Variants in DCLK1 observed in about 807,000 individuals in gnomAD.
The protein encoded by DCLK1 is doublecortin like kinase 1.
A neutral mutation model predicts 86.2 loss-of-function variants in DCLK1; 16 were observed. The ratio of observed to expected loss-of-function variants is 0.19; its 90% CI spans 0.13 to 0.28. The LOEUF (loss-of-function observed/expected upper bound fraction) is 0.28, where lower values mean the gene tolerates loss of function less well. DCLK1 is among the 10% of genes least tolerant of loss of function. The pLI is 1.00. For synonymous variants in DCLK1, 369 were observed against 370.5 expected, an observed-to-expected ratio of 1.00 and a Z score of 0.05; for missense variants, 590 against 940.2, an observed-to-expected ratio of 0.63 and a Z score of 4.87.
intron 3 of DCLK1, among the ~76,000 whole-genome samples, chr13:35,953,894 G>A (rs762626055): frequency 6.6e-6 from 1 of 152,148 alleles, no homozygotes; most frequent in Admixed American, 6.5e-5. Context: ...TGCATTTGAA[G>A]CCACAGAAGT....
intron 15 of DCLK1, 121 bp from the exon 16 acceptor site, chr13:35,793,600 CA>C (rs1221155394): frequency 3.0e-6 from 2 of 661,300 alleles, no homozygotes; most frequent in African/African-American, 3.6e-5. Context: ...AGAAATAAAC[CA>C]ACCAATGTCT....
chr13:36,073,117 C>T (rs768682758), intron 3 of DCLK1, among the ~76,000 whole-genome samples: 5 of 152,150 alleles, frequency 3.3e-5, no homozygotes, highest in Non-Finnish European at 7.3e-5. Flanking sequence ...ATAAAATTCA[C>T]TCATTTTAAT....
At chr13:36,113,601 A>C (rs1220121446) in intron 2 of DCLK1, among the ~76,000 whole-genome samples, 1 of 152,126 alleles carries the variant, frequency 6.6e-6, no homozygotes, top group Non-Finnish European at 1.5e-5. Flanking sequence ...CCTGCACATG[A>C]TAGTGGGAAG....
chr13:35,950,790 C>T (rs1877625342), intron 3 of DCLK1, among the ~76,000 whole-genome samples: 1 of 152,098 alleles, frequency 6.6e-6, no homozygotes, highest in Non-Finnish European at 1.5e-5. Flanking sequence ...CCTCCATGCT[C>T]CTGTACCTCC....
chr13:35,908,292 AC>A (rs1430711642), intron 4 of DCLK1, among the ~76,000 whole-genome samples: 23 of 152,220 alleles, frequency 1.5e-4, no homozygotes, highest in African/African-American at 5.3e-4. Flanking sequence ...CTCAGCCAAT[AC>A]TATTCATCAT....
chr13:36,032,728 G>A (rs1031336320), intron 3 of DCLK1, among the ~76,000 whole-genome samples: 19 of 152,256 alleles, frequency 1.2e-4, no homozygotes, highest in East Asian at 7.7e-4. Flanking sequence ...CTCCTGCCCC[G>A]GGAGCGGCCG....
chr13:35,939,965 T>C (rs535012848), intron 4 of DCLK1, among the ~76,000 whole-genome samples: 11 of 152,294 alleles, frequency 7.2e-5, no homozygotes, highest in African/African-American at 2.4e-4. Context: ...GGGTCAAAGT[T>C]CAGCACCTAA....
At chr13:36,108,607 T>G (rs552577223) in intron 3 of DCLK1, among the ~76,000 whole-genome samples, 1 of 152,228 alleles carries the variant, frequency 6.6e-6, no homozygotes, top group Non-Finnish European at 1.5e-5. Context: ...ACAGTTTTCA[T>G]GCCATGGATA....
At chr13:35,942,602 C>A (rs1443122405) in intron 4 of DCLK1, among the ~76,000 whole-genome samples, 2 of 152,218 alleles carry the variant, frequency 1.3e-5, no homozygotes, top group Non-Finnish European at 2.9e-5. Flanking sequence ...CCTGATGGGA[C>A]AATCCTAATA....
In DCLK1 at chr13:36,112,130, G is replaced by C. The variant is rs200448245; in HGVS notation, c.462C>G (p.Val154=). ...KNVNPNWSVN[V]KTTSASRAVS... The stretch of plus-strand genomic sequence containing the variant: ...CTGCCCGAGAAGCCGAGGTGGTCTT[G>C]ACGTTCACCGACCAGTTGGGGTTCA... Residue 154 remains valine, a synonymous_variant, in exon 3 of 17, where the codon GTC becomes GTG. Coordinates refer to ENST00000360631, the MANE Select transcript of DCLK1 (RefSeq NM_001330071.2). The C allele has an allele frequency of 3.1e-6, 5 of 1,613,522 alleles. No homozygotes were observed. Among genetic ancestry groups the C allele is most frequent in the Non-Finnish European group, 4.2e-6 (5 of 1,179,676 alleles).
At chr13:35,855,277 C>T (rs1051195843) in intron 5 of DCLK1, among the ~76,000 whole-genome samples, 2 of 152,178 alleles carry the variant, frequency 1.3e-5, no homozygotes, top group Non-Finnish European at 2.9e-5. Flanking sequence ...GAACTAAAGC[C>T]ACAGAACTCA....
intron 4 of DCLK1, among the ~76,000 whole-genome samples, chr13:35,896,398 G>C (rs1423323494): frequency 6.6e-6 from 1 of 151,818 alleles, no homozygotes; most frequent in Non-Finnish European, 1.5e-5. Context: ...AATTAGACGG[G>C]TATGGTGCAT....
At chr13:35,804,531 C>T (rs2153101689) in intron 15 of DCLK1, among the ~76,000 whole-genome samples, 1 of 152,106 alleles carries the variant, frequency 6.6e-6, no homozygotes, top group South Asian at 2.1e-4. Flanking sequence ...CTCCCGGGTT[C>T]AAGTTATTCT....
intron 4 of DCLK1, among the ~76,000 whole-genome samples, chr13:35,883,806 T>G (rs572977226): frequency 3.3e-5 from 5 of 152,230 alleles, no homozygotes; most frequent in Admixed American, 6.5e-5. Context: ...ATGGATTGCA[T>G]AGGGGCAGGT....
At chr13:35,842,586 G>C (rs1869889758) in intron 6 of DCLK1, among the ~76,000 whole-genome samples, 1 of 152,102 alleles carries the variant, frequency 6.6e-6, no homozygotes, top group Admixed American at 6.6e-5. Flanking sequence ...AGCAGAGAAG[G>C]ATAGGGTTTT....
At chr13:35,837,719 AT>A (rs930790054) in intron 7 of DCLK1, among the ~76,000 whole-genome samples, 4 of 151,768 alleles carry the variant, frequency 2.6e-5, no homozygotes, top group African/African-American at 7.3e-5. Context: ...GTGGCTTGGG[AT>A]TTTTTTTCCT....
chr13:36,024,496 A>C (rs1881951134), intron 3 of DCLK1, among the ~76,000 whole-genome samples: 1 of 152,210 alleles, frequency 6.6e-6, no homozygotes, highest in Admixed American at 6.5e-5. Flanking sequence ...CATCAAAAAG[A>C]ATTAAAGAGT....
chr13:36,069,455 C>A (rs1033453780), intron 3 of DCLK1, among the ~76,000 whole-genome samples: 1 of 152,160 alleles, frequency 6.6e-6, no homozygotes. Flanking sequence ...TTTTGTTTTT[C>A]ACCCTGAGGC....
At chr13:36,073,163 T>G (rs908788751) in intron 3 of DCLK1, among the ~76,000 whole-genome samples, 2 of 152,192 alleles carry the variant, frequency 1.3e-5, no homozygotes, top group African/African-American at 4.8e-5. Flanking sequence ...ATACATACAA[T>G]TGGCAACCAC....
Sources: gnomAD v4.1 joint callset for allele counts (sites outside exome capture counted in the v4.1 genomes callset) on GRCh38, gnomAD v4.1.1 for gene constraint, MANE v1.5 for transcripts, NCBI Gene and HGNC (gene_info 2026-07-23, HGNC 2026-07-21) for gene names.